The following POLA1 variants were observed in gnomAD, a reference collection of about 807,000 sequenced individuals.
The protein encoded by POLA1 is DNA polymerase alpha catalytic subunit.
A neutral mutation model predicts 124.0 loss-of-function variants in POLA1; 15 were observed. The observed-to-expected ratio is 0.12, with a 90% CI of 0.08 to 0.19. POLA1 has a LOEUF of 0.19. Ranked by LOEUF, POLA1 falls within the 10% of genes least tolerant of loss-of-function variation. The pLI is 1.00. For synonymous variants in POLA1, 408 were observed against 389.4 expected (o/e 1.05, Z -0.56); for missense variants, 886 against 1,103.4 (o/e 0.80, Z 2.79).
At chrX:24,934,468 G>C (rs1384694680) in intron 36 of POLA1, among the ~76,000 whole-genome samples, 1 of 111,895 alleles carries the variant, frequency 8.9e-6, no homozygotes, top group Admixed American at 9.5e-5. Context: ...AGCAAAGAGA[G>C]GGAGCCACTA....
chrX:24,756,509 G>A (rs1932613258), intron 26 of POLA1, among the ~76,000 whole-genome samples: 1 of 109,030 alleles, frequency 9.2e-6, no homozygotes, highest in Non-Finnish European at 1.9e-5. Flanking sequence ...GTTGCACTGA[G>A]CCGAGACCGC....
At position 24,702,664 on chromosome X, in the gene POLA1, G is replaced by C. The variant is rs770244966; in HGVS notation, c.169-587G>C. ...GGTTTCAAGACCTGAGGATGGTGGAGTTTCAGTGGTAATACAAACAGGGTC... is the reference window on the plus strand; with the variant it reads ...GGTTTCAAGACCTGAGGATGGTGGACTTTCAGTGGTAATACAAACAGGGTC... On this transcript the variant is annotated intron_variant, in intron 2 of 36. Transcript: ENST00000379068. Among the ~76,000 whole-genome samples, 413 of 112,523 alleles carry C rather than the reference G, an allele frequency of 3.7e-3. 1 individual carries two copies. Among genetic ancestry groups the C allele is most frequent in the Non-Finnish European group, 5.6e-3 (299 of 53,304 alleles).
At chrX:24,953,776 A>AT (rs1442433096) in intron 36 of POLA1, among the ~76,000 whole-genome samples, 5 of 112,277 alleles carry the variant, frequency 4.5e-5, no homozygotes, top group Non-Finnish European at 9.4e-5. Context: ...CACTCTGTGT[A>AT]TTTTCTCTAG....
intron 35 of POLA1, among the ~76,000 whole-genome samples, chrX:24,893,959 C>T (rs2047174426): frequency 9.0e-6 from 1 of 111,258 alleles, no homozygotes; most frequent in Admixed American, 9.6e-5. Context: ...TTTTCTGTCT[C>T]TGCCTTCAGT....
At chrX:24,770,806 T>G (rs184351495) in intron 26 of POLA1, among the ~76,000 whole-genome samples, 1 of 110,560 alleles carries the variant, frequency 9.0e-6, no homozygotes, top group Admixed American at 9.6e-5. Flanking sequence ...ACATAACTGG[T>G]ACTCAATAAT....
chrX:24,801,924 GGTGTGTGTGTGTGTGTGTGTGTGTGT>G (rs35938897), intron 26 of POLA1, among the ~76,000 whole-genome samples: 1 of 74,534 alleles, frequency 1.3e-5, no homozygotes, highest in Non-Finnish European at 2.4e-5. Context: ...GAGGTGGGTG[GGTGTGTGTGTGTGTGTGTGTGTGTGT>G]GTGTGTGTGT....
intron 35 of POLA1, among the ~76,000 whole-genome samples, chrX:24,912,659 G>A (rs2047466423): frequency 8.9e-6 from 1 of 111,986 alleles, no homozygotes; most frequent in African/African-American, 3.2e-5. Context: ...GACAAAGGCT[G>A]GGTACAGTGG....
intron 34 of POLA1, among the ~76,000 whole-genome samples, chrX:24,851,995 T>A (rs1342621161): frequency 8.9e-6 from 1 of 112,784 alleles, no homozygotes; most frequent in Admixed American, 9.3e-5. Context: ...CCCCAGGCGA[T>A]GGCTGTTTTT....
In POLA1 at chrX:24,743,329, G is replaced by C; in HGVS notation, c.2566G>C (p.Gly856Arg). The change falls in exon 23 of 37, where the codon GGT becomes CGT. Residue 856 changes from glycine to arginine, a missense_variant and splice_region_variant. By Grantham distance (125) the Gly-to-Arg change is moderately radical (BLOSUM62 -2). Around this residue, in one of 7 missense-constraint regions of POLA1, gnomAD observed 182 missense variants for 252.8 expected, o/e 0.72. Coordinates refer to ENST00000379068, the MANE Select transcript of POLA1 (RefSeq NM_001330360.2). Reference sequence around the variant, plus strand: ...AGGCTTGGTTTTGGACCCCAAAGTTGGTAAGGCTGGGCAGTGAATTGGTTT... The same window carrying C: ...AGGCTTGGTTTTGGACCCCAAAGTTCGTAAGGCTGGGCAGTGAATTGGTTT... The part of the protein sequence containing the change: ...AGGLVLDPKV[G>R]FYDKFILLLD... The C allele has an allele frequency of 9.6e-7, 1 of 1,045,201 alleles. No homozygotes were observed. The highest frequency in any genetic ancestry group is 1.3e-6 in the Non-Finnish European group (1 of 749,894). 86.1% of individuals were successfully genotyped at this position (1,045,201 alleles called of 1,213,427 possible).
intron 36 of POLA1, among the ~76,000 whole-genome samples, chrX:24,993,292 G>A (rs762752710): frequency 8.9e-6 from 1 of 112,244 alleles, no homozygotes; most frequent in East Asian, 2.8e-4. Flanking sequence ...GGTGCTGGTG[G>A]CGGAGACAGC....
intron 1 of POLA1, among the ~76,000 whole-genome samples, chrX:24,698,096 C>G (rs1928146156): frequency 9.0e-6 from 1 of 110,499 alleles, no homozygotes; most frequent in African/African-American, 3.3e-5. Context: ...TGCCTGCCAT[C>G]ACACCCAGCT....
intron 29 of POLA1, 22 bp from the exon 30 acceptor site, chrX:24,814,954 TTTG>T (rs747118176): frequency 8.9e-7 from 1 of 1,123,172 alleles, no homozygotes; most frequent in Non-Finnish European, 1.2e-6. Flanking sequence ...CTGTCTTTGT[TTTG>T]TTTTTTTTTT....
intron 36 of POLA1, among the ~76,000 whole-genome samples, chrX:24,973,208 A>C: frequency 9.0e-6 from 1 of 111,303 alleles, no homozygotes; most frequent in Middle Eastern, 4.2e-3. Context: ...AATACAAAAA[A>C]TTAGCTGGGT....
intron 36 of POLA1, among the ~76,000 whole-genome samples, chrX:24,947,685 T>C (rs2047984458): frequency 8.9e-6 from 1 of 111,977 alleles, no homozygotes; most frequent in African/African-American, 3.2e-5. Context: ...CAGAAAGCTC[T>C]CGTGAAGGTG....
chrX:24,833,213 C>T (rs2046292913), intron 32 of POLA1, among the ~76,000 whole-genome samples: 1 of 111,778 alleles, frequency 8.9e-6, no homozygotes, highest in Non-Finnish European at 1.9e-5. Context: ...TCATTTTCAT[C>T]CAGATTGCTG....
intron 26 of POLA1, among the ~76,000 whole-genome samples, chrX:24,799,701 CT>C (rs1377119235): frequency 5.8e-4 from 65 of 111,772 alleles, no homozygotes; most frequent in Non-Finnish European, 3.8e-5. Context: ...AGGCTATTTC[CT>C]TTGTGTGTGG....
intron 36 of POLA1, among the ~76,000 whole-genome samples, chrX:24,935,779 C>T (rs926337923): frequency 1.8e-5 from 2 of 112,544 alleles, no homozygotes; most frequent in African/African-American, 3.2e-5. Context: ...TAAGGTACTT[C>T]ATAGTTTCCT....
intron 36 of POLA1, among the ~76,000 whole-genome samples, chrX:24,954,705 C>A (rs942250817): frequency 2.7e-5 from 3 of 111,997 alleles, no homozygotes; most frequent in African/African-American, 9.7e-5. Context: ...AGAAGTTTAG[C>A]CTGTCACATT....
At chrX:24,724,064 C>T (rs11573343) in intron 11 of POLA1, among the ~76,000 whole-genome samples, 4,558 of 112,311 alleles carry the variant, frequency 0.041, 227 homozygotes, top group African/African-American at 0.14. Flanking sequence ...GTCTCTTGGT[C>T]AGGATTTACA....
Sources: gnomAD v4.1 joint callset for allele counts (sites outside exome capture counted in the v4.1 genomes callset) on GRCh38, gnomAD v4.1.1 for gene constraint, gnomAD v4.1.1 regional missense constraint, MANE v1.5 for transcripts, NCBI Gene and HGNC (gene_info 2026-07-23, HGNC 2026-07-21) for gene names.